RBFOX1: variants seen among roughly 807,000 people sequenced by gnomAD.
RBFOX1 encodes the protein RNA binding fox-1 homolog 1.
In RBFOX1, 8 loss-of-function variants were observed where a neutral mutation model predicts 57.7. The observed-to-expected ratio is 0.14, with a 90% CI of 0.08 to 0.25. RBFOX1 has a LOEUF of 0.25. Among genes scored for constraint, RBFOX1 ranks in the 10% least tolerant of loss-of-function variants. The pLI, the probability that RBFOX1 is intolerant of heterozygous loss-of-function variation, is 1.00. For missense variants in RBFOX1, 611 were observed against 548.5 expected, an observed-to-expected ratio of 1.11 and a Z score of -1.14; for synonymous variants, 326 against 222.4, an observed-to-expected ratio of 1.47 and a Z score of -4.15.
At chr16:6,506,943 C>T (rs1165340287) in intron 2 of RBFOX1, among the ~76,000 whole-genome samples, 1 of 152,142 alleles carries the variant, frequency 6.6e-6, no homozygotes, top group Non-Finnish European at 1.5e-5. Flanking sequence ...CCACCGTGCC[C>T]AGCCTTAGTA....
At chr16:7,021,538 T>C (rs972910507) in intron 3 of RBFOX1, among the ~76,000 whole-genome samples, 29 of 145,906 alleles carry the variant, frequency 2.0e-4, no homozygotes, top group African/African-American at 6.7e-4. Flanking sequence ...TAAAATTTTA[T>C]AAAATTTTTA....
At chr16:7,179,989 C>T (rs994288798) in intron 4 of RBFOX1, among the ~76,000 whole-genome samples, 14 of 151,926 alleles carry the variant, frequency 9.2e-5, no homozygotes, top group Admixed American at 2.0e-4. Flanking sequence ...GTGATCTGCC[C>T]GCCTTAGACC....
intron 2 of RBFOX1, among the ~76,000 whole-genome samples, chr16:6,456,323 C>T (rs926216889): frequency 1.3e-5 from 2 of 152,052 alleles, no homozygotes; most frequent in Admixed American, 6.6e-5. Flanking sequence ...GTTTTTCCCC[C>T]TAGATATGGG....
chr16:6,194,490 C>G (rs762800249), intron 1 of RBFOX1, among the ~76,000 whole-genome samples: 1 of 152,266 alleles, frequency 6.6e-6, no homozygotes, highest in Non-Finnish European at 1.5e-5. Context: ...CAAGAACAGC[C>G]TATTTACAGT....
At chr16:7,643,561 C>A (rs2063206812) in intron 11 of RBFOX1, among the ~76,000 whole-genome samples, 1 of 152,182 alleles carries the variant, frequency 6.6e-6, no homozygotes, top group South Asian at 2.1e-4. Context: ...ATCATTGTGA[C>A]AGTAATCAGG....
chr16:5,635,624 G>A (rs1385056754), intron 3 of RBFOX1, among the ~76,000 whole-genome samples: 1 of 148,400 alleles, frequency 6.7e-6, no homozygotes, highest in Non-Finnish European at 1.5e-5. Context: ...AGGTGGCTTA[G>A]TCATTGACAT....
chr16:5,266,548 G>GTT (rs3035524), intron 1 of RBFOX1, among the ~76,000 whole-genome samples: 74,715 of 127,944 alleles, frequency 0.58, 23,170 homozygotes, highest in South Asian at 0.69. Context: ...GAAATGTTCA[G>GTT]TTTTTTTTTT....
At chr16:6,806,498 C>G (rs771897144) in intron 3 of RBFOX1, among the ~76,000 whole-genome samples, 37 of 151,980 alleles carry the variant, frequency 2.4e-4, no homozygotes, top group African/African-American at 8.2e-4. Flanking sequence ...CCTATTCTGA[C>G]CAGTAAATAA....
intron 4 of RBFOX1, among the ~76,000 whole-genome samples, chr16:7,258,482 T>C (rs2094786702): frequency 6.6e-6 from 1 of 152,160 alleles, no homozygotes; most frequent in East Asian, 1.9e-4. Flanking sequence ...TCTCTCTCTG[T>C]CAAGGGGGGA....
chr16:7,031,937 C>A (rs1188003714), intron 3 of RBFOX1, among the ~76,000 whole-genome samples: 1 of 152,092 alleles, frequency 6.6e-6, no homozygotes, highest in East Asian at 1.9e-4. Context: ...CTTCCAGCAG[C>A]CAAATTGTTG....
At chr16:6,157,677 T>G (rs1205789779) in intron 1 of RBFOX1, among the ~76,000 whole-genome samples, 2 of 152,182 alleles carry the variant, frequency 1.3e-5, no homozygotes, top group Non-Finnish European at 2.9e-5. Flanking sequence ...AAGTTATATA[T>G]ATATGCCCAT....
chr16:5,426,002 A>C (rs1030260133), intron 1 of RBFOX1, among the ~76,000 whole-genome samples: 1 of 152,116 alleles, frequency 6.6e-6, no homozygotes, highest in South Asian at 2.1e-4. Context: ...GGAAGTCTGG[A>C]GTGGAAGTGC....
chr16:7,665,546 C>T (rs1309780948), intron 13 of RBFOX1, among the ~76,000 whole-genome samples: 3 of 152,114 alleles, frequency 2.0e-5, no homozygotes, highest in African/African-American at 7.2e-5. Context: ...AATTACCTGA[C>T]TTAAAATTGC....
At chr16:6,445,328 T>G (rs1387296960) in intron 2 of RBFOX1, among the ~76,000 whole-genome samples, 1 of 152,108 alleles carries the variant, frequency 6.6e-6, no homozygotes, top group Non-Finnish European at 1.5e-5. Flanking sequence ...CATGAAGATT[T>G]TCTTTTAGAG....
At chr16:6,650,513 G>T (rs1216841568) in intron 2 of RBFOX1, among the ~76,000 whole-genome samples, 1 of 152,160 alleles carries the variant, frequency 6.6e-6, no homozygotes, top group Non-Finnish European at 1.5e-5. Flanking sequence ...TCATGCCACA[G>T]AGTAACTAAG....
At chr16:7,055,112 G>A (rs1170242061) in intron 4 of RBFOX1, among the ~76,000 whole-genome samples, 1 of 152,010 alleles carries the variant, frequency 6.6e-6, no homozygotes, top group Non-Finnish European at 1.5e-5. Context: ...ATTAATTTTA[G>A]GAAATACCAT....
intron 3 of RBFOX1, among the ~76,000 whole-genome samples, chr16:7,001,063 G>A (rs1194569630): frequency 6.6e-6 from 1 of 152,046 alleles, no homozygotes. Flanking sequence ...ATCTTTTACT[G>A]ATTCTTTGCT....
Position 6,768,877 on chromosome 16 carries a change from C to G in RBFOX1, c.-16+114227C>G, listed in dbSNP as rs1409067728. ...CCGAGTAGCTGGGACTATAGGCACC[C>G]ACCGTCATGCTCGGCTAATTTTTGT... On this transcript the variant is annotated intron_variant, in intron 3 of 15. Coordinates refer to ENST00000550418, the MANE Select transcript of RBFOX1 (RefSeq NM_018723.4). 5.3e-5 allele frequency among the ~76,000 whole-genome samples: 8 copies of G among 151,906 alleles called. No homozygotes were observed. In the East Asian group the frequency reaches 1.4e-3, roughly 26 times the overall value.
intron 3 of RBFOX1, among the ~76,000 whole-genome samples, chr16:6,862,503 C>A (rs1324849568): frequency 6.6e-6 from 1 of 152,234 alleles, no homozygotes; most frequent in Non-Finnish European, 1.5e-5. Flanking sequence ...AACAGCTCTG[C>A]CTTGCCCAGG....
Sources: allele counts gnomAD v4.1 joint callset (sites outside exome capture counted in the v4.1 genomes callset), GRCh38; gene constraint gnomAD v4.1.1; transcripts MANE v1.5; gene names NCBI Gene and HGNC (gene_info 2026-07-23, HGNC 2026-07-21).